The following SBNO2 variants were observed in gnomAD, a reference collection of about 807,000 sequenced individuals.
SBNO2 encodes the protein protein strawberry notch homolog 2.
SBNO2 carries 89 observed loss-of-function variants against 146.3 expected under a neutral mutation model. The observed-to-expected ratio is 0.61, with a 90% confidence interval of 0.51 to 0.73. SBNO2 has a LOEUF of 0.73. SBNO2 is among the 30% of genes least tolerant of loss of function. The pLI is 0.00. For synonymous variants in SBNO2, 1,147 were observed against 892.6 expected (o/e 1.29, Z -5.08); for missense variants, 2,092 against 2,003.7 (o/e 1.04, Z -0.84).
Position 1,110,681 on chromosome 19 carries a change from C to T in SBNO2, c.3028+64G>A. 3 of 1,565,736 alleles carry T rather than the reference C, an allele frequency of 1.9e-6. No homozygotes were observed. The highest frequency in any genetic ancestry group is 2.6e-6 in the Non-Finnish European group (3 of 1,146,502). On this transcript the variant is annotated intron_variant, in intron 26 of 31. Coordinates refer to ENST00000361757, the MANE Select transcript of SBNO2 (RefSeq NM_014963.3). This position sits in a 1 kb window ranked among gnomAD's most constrained non-coding sequence, Gnocchi z 4.9. ...ACGAGCCCCGAGCCCACCCAGGATG[C>T]ATGGCGTTCCCACGAGCCCCGCACC... is the stretch of plus-strand genomic sequence containing the variant.
rs1347701292 is a variant in SBNO2 at position 1,144,889 on chromosome 19, CAG to C, written c.279+2418_279+2419del. ...ACACAGACAGAGACAGAGAGGGAGA[CAG>C]AGAGACAGAGGCGGAGATGGAGACA... On this transcript the variant is annotated intron_variant, in intron 4 of 31. Transcript: ENST00000361757. The surrounding 1 kb of genome is among the most constrained non-coding windows in gnomAD (Gnocchi z 4.1). Among the ~76,000 whole-genome samples, 6 of 130,262 alleles carry C rather than the reference CAG, an allele frequency of 4.6e-5. No homozygotes were observed. The highest frequency in any genetic ancestry group is 3.8e-4 in the Admixed American group (5 of 13,310). 85.5% of individuals were successfully genotyped at this position (130,262 alleles called of 152,430 possible). A position where few individuals can be genotyped will look rare whatever the true frequency, so the allele number is the denominator to read the frequency against.
At chr19:1,122,014 CT>C in intron 11 of SBNO2, 124 bp downstream of exon 11, 1 of 695,548 alleles carries the variant, frequency 1.4e-6, no homozygotes. Context: ...CCCTCCGCTC[CT>C]ACCCTCTCCC....
In SBNO2 at chr19:1,116,040, T is replaced by A. The variant is rs756882733; in HGVS notation, c.1866A>T (p.Gly622=). ...FPSTKRKRDR[G]AGSKRKRRPR... ...GCTTACGTTTCCGCTTGCTGCCCGC[T>A]CCTCTGTCCCGCTTTCTCTTGGTGG... is the stretch of plus-strand genomic sequence containing the variant. The change falls in exon 17 of 32, where the codon GGA becomes GGT. Residue 622 remains glycine (G), a synonymous_variant. Coordinates refer to ENST00000361757, the MANE Select transcript of SBNO2 (RefSeq NM_014963.3). 5.6e-6 allele frequency: 9 copies of A among 1,609,710 alleles called. No homozygotes were observed. The African/African-American group carries it at 8.1e-5, about 14-fold the overall frequency.
chr19:1,144,525 T>C lies in SBNO2; in HGVS notation c.279+2784A>G, dbSNP rs759588049. ...AGCAGGAGAATTCATGAGACAGAGA[T>C]GGAGACGGAGACAGAGACAGAGACA... On this transcript the variant is annotated intron_variant, in intron 4 of 31. Transcript: ENST00000361757. This position sits in a 1 kb window ranked among gnomAD's most constrained non-coding sequence, Gnocchi z 4.1. Among the ~76,000 whole-genome samples the C allele has an allele frequency of 6.6e-6, 1 of 151,290 alleles. No homozygotes were observed. The highest frequency in any genetic ancestry group is 1.5e-5 in the Non-Finnish European group (1 of 67,818).
chr19:1,142,373 C>T (rs185359997), intron 4 of SBNO2, among the ~76,000 whole-genome samples: 40 of 151,556 alleles, frequency 2.6e-4, no homozygotes, highest in African/African-American at 8.5e-4. Flanking sequence ...AGGCACTGCC[C>T]GGGTCCACGG....
chr19:1,158,441 C>T lies in SBNO2; in HGVS notation c.-126-4039G>A, dbSNP rs183588149. ...GGCCACGCTGTGCCCACGTTCGCGA[C>T]GGCAAAGCGGAGACCCTGAGAAGAC... On this transcript the variant is annotated intron_variant, in intron 1 of 31. Transcript: ENST00000361757. This position sits in a 1 kb window ranked among gnomAD's most constrained non-coding sequence, Gnocchi z 9.9. Among the ~76,000 whole-genome samples the T allele has an allele frequency of 2.4e-4, 36 of 152,296 alleles. No homozygotes were observed. The Middle Eastern group carries it at 0.014, about 58-fold the overall frequency.
intron 13 of SBNO2, 55 bp downstream of exon 13, chr19:1,119,461 G>A (rs2079872820): frequency 3.7e-6 from 5 of 1,356,020 alleles, no homozygotes; most frequent in Middle Eastern, 1.8e-4. Flanking sequence ...TGATGGGCCT[G>A]AGGCCTCCTC....
chr19:1,156,568 C>T (rs542898557), intron 1 of SBNO2, among the ~76,000 whole-genome samples: 36 of 152,124 alleles, frequency 2.4e-4, no homozygotes, highest in Admixed American at 8.5e-4. Flanking sequence ...ACAGCAGCAC[C>T]ACTCACAACA....
rs1380136049 is a variant in SBNO2 at position 1,136,554 on chromosome 19, C to A, written c.280-8789G>T. ...GGGGGGGCTGTGGCCTCAGCACAGA[C>A]CAGGGGACAGAAGGTGGCTCTTCTT... On this transcript the variant is annotated intron_variant, in intron 4 of 31. Coordinates refer to ENST00000361757, the MANE Select transcript of SBNO2 (RefSeq NM_014963.3). The surrounding 1 kb of genome is among the most constrained non-coding windows in gnomAD (Gnocchi z 4.2). Among the ~76,000 whole-genome samples the A allele has an allele frequency of 6.6e-6, 1 of 152,232 alleles. No individual in the cohort carries two copies. Among genetic ancestry groups the A allele is most frequent in the Non-Finnish European group, 1.5e-5 (1 of 68,032 alleles).
At chr19:1,120,448 C>A (rs577720064) in intron 11 of SBNO2, among the ~76,000 whole-genome samples, 117 of 152,356 alleles carry the variant, frequency 7.7e-4, no homozygotes, top group African/African-American at 2.6e-3. Context: ...CTCACTGCAA[C>A]CTCTGCCTCT....
At chr19:1,142,202 A>G (rs1277144963) in intron 4 of SBNO2, among the ~76,000 whole-genome samples, 29 of 43,692 alleles carry the variant, frequency 6.6e-4, no homozygotes, top group South Asian at 1.6e-3. Context: ...TCACTCAATG[A>G]CCTCCCTCAT....
In SBNO2 at chr19:1,112,122, C is replaced by G; in HGVS notation, c.2629-55G>C. 6.2e-7 allele frequency: 1 copy of G among 1,606,318 alleles called. No individual in the cohort carries two copies. Among genetic ancestry groups the G allele is most frequent in the Non-Finnish European group, 8.5e-7 (1 of 1,176,490 alleles). On this transcript the variant is annotated intron_variant, in intron 22 of 31. Transcript: ENST00000361757. This position sits in a 1 kb window ranked among gnomAD's most constrained non-coding sequence, Gnocchi z 5.9. Reference sequence around the variant, plus strand: ...TCACCTGGGGTCTGGCCTCTAGCACCCCACAAAGCTTTGGAGAGCCTTCCT... The same window carrying G: ...TCACCTGGGGTCTGGCCTCTAGCACGCCACAAAGCTTTGGAGAGCCTTCCT...
chr19:1,117,417 C>T lies in SBNO2; in HGVS notation c.1610G>A (p.Trp537Ter). The change falls in exon 15 of 32, where the codon TGG (tryptophan) becomes TAG (stop). Residue 537 changes from tryptophan to a stop codon, truncating the protein, a stop_gained. Transcript: ENST00000361757. LOFTEE classifies it high-confidence loss of function. ...ESRKSLWGQF[W>*]SAHQRFFKYL... ...CTTGAAGAAGCGCTGGTGTGCCGACCAGAACTGGCCCCACAGGGACTTGCG... is the reference window on the plus strand; with the variant it reads ...CTTGAAGAAGCGCTGGTGTGCCGACTAGAACTGGCCCCACAGGGACTTGCG... The T allele has an allele frequency of 6.3e-7, 1 of 1,590,628 alleles. No homozygotes were observed. Among genetic ancestry groups the T allele is most frequent in the Admixed American group, 1.8e-5 (1 of 57,034 alleles).
intron 4 of SBNO2, among the ~76,000 whole-genome samples, chr19:1,145,665 C>T (rs1379060411): frequency 1.3e-5 from 2 of 152,020 alleles, no homozygotes; most frequent in Non-Finnish European, 2.9e-5. Context: ...CCCTGTGCGT[C>T]CCCTGAAGGG....
At chr19:1,113,490 GC>G (rs954265686) in intron 19 of SBNO2, 44 bp downstream of exon 19, 1 of 1,489,482 alleles carries the variant, frequency 6.7e-7, no homozygotes, top group Non-Finnish European at 9.1e-7. Flanking sequence ...CCCACCCACT[GC>G]CCATGCCCCG....
rs771138025 is a variant in SBNO2 at position 1,108,310 on chromosome 19, C to T, written c.4011G>A (p.Ala1337=). The T allele has an allele frequency of 2.2e-5, 32 of 1,457,758 alleles. No individual in the cohort carries two copies. Among genetic ancestry groups the T allele is most frequent in the Middle Eastern group, 2.5e-4 (1 of 4,004 alleles). The allele number at this position is 1,457,758 out of a possible 1,614,324, so 90.3% of individuals were successfully genotyped here. ...CACCGCCCGCCGCGCCCCCCGCCCC[C>T]GCGCCCTCCCCCAGCGCGCCCTCGG... ...PPSEGALGEG[A]GAGGAAGGGP... is the part of the protein sequence containing the mutation. Residue 1337 remains alanine (A), a synonymous_variant, in exon 32 of 32, where the codon GCG becomes GCA. Coordinates refer to ENST00000361757, the MANE Select transcript of SBNO2 (RefSeq NM_014963.3).
In SBNO2 at chr19:1,108,197, G is replaced by A. The variant is rs1287913703; in HGVS notation, c.*23C>T. 7.2e-6 allele frequency: 11 copies of A among 1,522,388 alleles called. No individual in the cohort carries two copies. Among genetic ancestry groups the A allele is most frequent in the South Asian group, 1.2e-5 (1 of 82,964 alleles). 94.3% of individuals were successfully genotyped at this position (1,522,388 alleles called of 1,614,324 possible). On this transcript the variant is annotated 3_prime_UTR_variant, in exon 32 of 32. Transcript: ENST00000361757. ...GGGAGAAACGGTCCCTGTGTCTTGG[G>A]GCATGTTTCGCCTAAAGGCGTGTCA...
chr19:1,108,010 G>A lies in SBNO2; in HGVS notation c.*210C>T, dbSNP rs936676516. On this transcript the variant is annotated 3_prime_UTR_variant, in exon 32 of 32. Coordinates refer to ENST00000361757, the MANE Select transcript of SBNO2 (RefSeq NM_014963.3). Reference sequence around the variant, plus strand: ...CTACTTGGGAGGAGAGGCACAGAGAGGGCCCTGCCACGCCCCGGCCCCCAG... The same window carrying A: ...CTACTTGGGAGGAGAGGCACAGAGAAGGCCCTGCCACGCCCCGGCCCCCAG... The A allele has an allele frequency of 1.3e-5, 5 of 389,360 alleles. No individual in the cohort carries two copies. The highest frequency in any genetic ancestry group is 1.8e-5 in the Non-Finnish European group (4 of 222,306). 24.1% of individuals were successfully genotyped at this position (389,360 alleles called of 1,614,324 possible). A position where few individuals can be genotyped will look rare whatever the true frequency, so the allele number is the denominator to read the frequency against.
At chr19:1,165,974 TCCCAGAC>T (rs1390333077) in intron 1 of SBNO2, among the ~76,000 whole-genome samples, 1 of 23,520 alleles carries the variant, frequency 4.3e-5, no homozygotes, top group African/African-American at 1.1e-4. Flanking sequence ...AGATCCCAGA[TCCCAGAC>T]CGCAAGATCC....
Sources: gnomAD v4.1 joint callset for allele counts (sites outside exome capture counted in the v4.1 genomes callset) on GRCh38, gnomAD v4.1.1 for gene constraint, Gnocchi (gnomAD v3.1) non-coding constraint, MANE v1.5 for transcripts, NCBI Gene and HGNC (gene_info 2026-07-23, HGNC 2026-07-21) for gene names.